OTC: variants seen among roughly 807,000 people sequenced by gnomAD.
OTC encodes the protein ornithine transcarbamylase.
In OTC, 3 loss-of-function variants were observed where a neutral mutation model predicts 30.3. That is an observed-to-expected ratio of 0.10 (90% confidence interval 0.05 to 0.26). The LOEUF is 0.26. Ranked by LOEUF, OTC falls within the 10% of genes least tolerant of loss-of-function variation. The pLI is 1.00. For synonymous variants in OTC, 111 were observed against 99.7 expected, an observed-to-expected ratio of 1.11 and a Z score of -0.67; for missense variants, 194 against 260.3, an observed-to-expected ratio of 0.75 and a Z score of 1.75.
At chrX:38,405,003 G>A (rs1256500726) in intron 6 of OTC, among the ~76,000 whole-genome samples, 1 of 111,647 alleles carries the variant, frequency 9.0e-6, no homozygotes, top group Non-Finnish European at 1.9e-5. Context: ...AAGAGGTGGA[G>A]TGGTAAATCC....
intron 6 of OTC, among the ~76,000 whole-genome samples, chrX:38,407,461 A>G (rs764640151): frequency 1.1e-4 from 12 of 112,082 alleles, no homozygotes; most frequent in South Asian, 3.8e-4. Flanking sequence ...ATAAAAATCA[A>G]CTCATAATCA....
intron 1 of OTC, among the ~76,000 whole-genome samples, chrX:38,355,806 GT>G (rs1209633220): frequency 8.9e-6 from 1 of 112,253 alleles, no homozygotes; most frequent in Admixed American, 9.4e-5. Flanking sequence ...GGAGGCCGAG[GT>G]GGGTGGATCA....
chrX:38,397,523 C>A (rs1461132852), intron 4 of OTC, among the ~76,000 whole-genome samples: 3 of 112,093 alleles, frequency 2.7e-5, no homozygotes, highest in Non-Finnish European at 5.6e-5. Context: ...TTACAAGTGT[C>A]AAGTGGGGAA....
intron 1 of OTC, among the ~76,000 whole-genome samples, chrX:38,358,974 T>C (rs779176932): frequency 9.0e-6 from 1 of 111,423 alleles, no homozygotes; most frequent in South Asian, 3.8e-4. Flanking sequence ...AGCCCTCAGA[T>C]GCTGGTATGA....
chrX:38,343,077 C>T, the OTC span, among the ~76,000 whole-genome samples: 1 of 112,235 alleles, frequency 8.9e-6, no homozygotes, highest in Non-Finnish European at 1.9e-5. Flanking sequence ...AGGCATTCAC[C>T]AAGCAGTGAC....
At chrX:38,395,161 C>T (rs963777995) in intron 4 of OTC, among the ~76,000 whole-genome samples, 2 of 110,183 alleles carry the variant, frequency 1.8e-5, no homozygotes, top group Admixed American at 9.8e-5. Context: ...TTAGTAGAGA[C>T]GGGGTTTCAC....
Position 38,401,268 on chromosome X carries a change from G to T in OTC, c.387-7G>T. On this transcript the variant is annotated splice_region_variant and splice_polypyrimidine_tract_variant and intron_variant, in intron 4 of 9. Coordinates refer to ENST00000039007, the MANE Select transcript of OTC (RefSeq NM_000531.6). ...TCTTAGATTATCTTTTTCTTGGTTT[G>T]CCACAGTGTATTGTCTAGCATGGCA... 1 of 1,192,510 alleles carries T rather than the reference G, an allele frequency of 8.4e-7. No homozygotes were observed. The highest frequency in any genetic ancestry group is 1.1e-6 in the Non-Finnish European group (1 of 878,601).
chrX:38,337,158 A>G, the OTC span, among the ~76,000 whole-genome samples: 5 of 112,128 alleles, frequency 4.5e-5, no homozygotes, highest in Non-Finnish European at 7.5e-5. Context: ...AGCATGCCTT[A>G]GTCAACATTT....
Position 38,381,425 on chromosome X carries a change from G to T in OTC, c.382G>T (p.Ala128Ser). 3 of 1,170,715 alleles carry T rather than the reference G, an allele frequency of 2.6e-6. No homozygotes were observed. The South Asian group carries it at 5.4e-5, about 21-fold the overall frequency. ...TGTGAATGAAAGTCTCACGGACACG[G>T]CCCGGTTTGTAAATATTTTCTTCTC... ...LGVNESLTDT[A>S]RVLSSMADAV... is the part of the protein sequence containing the mutation. Residue 128 changes from alanine (A) to serine (S), a missense_variant, in exon 4 of 10, where the codon GCC becomes TCC. By Grantham distance (99) the Ala-to-Ser change is moderately conservative. Transcript: ENST00000039007.
At chrX:38,355,238 A>T (rs1349629261) in intron 1 of OTC, among the ~76,000 whole-genome samples, 1 of 111,417 alleles carries the variant, frequency 9.0e-6, no homozygotes, top group African/African-American at 3.3e-5. Flanking sequence ...TTTTAACAAG[A>T]TCGATAGGAT....
intron 6 of OTC, among the ~76,000 whole-genome samples, chrX:38,408,130 C>A (rs927077434): frequency 8.9e-6 from 1 of 112,289 alleles, no homozygotes; most frequent in Non-Finnish European, 1.9e-5. Flanking sequence ...CCATCCCGGA[C>A]AAATATATAA....
chrX:38,360,011 G>A (rs769112079), intron 1 of OTC, among the ~76,000 whole-genome samples: 2 of 105,817 alleles, frequency 1.9e-5, no homozygotes, highest in East Asian at 2.9e-4. Context: ...TCTGCCTCCC[G>A]GGTTTCAGCG....
At chrX:38,410,313 G>A (rs1033915196) in intron 8 of OTC, among the ~76,000 whole-genome samples, 2 of 111,808 alleles carry the variant, frequency 1.8e-5, no homozygotes, top group African/African-American at 3.2e-5. Flanking sequence ...TTGGGGTGAA[G>A]TGGTATAAAT....
chrX:38,414,423 CCT>C lies in OTC; in HGVS notation c.1005+2425_1005+2426del, dbSNP rs757785817. Among the ~76,000 whole-genome samples, 4 of 111,676 alleles carry C rather than the reference CCT, an allele frequency of 3.6e-5. No homozygotes were observed. The Admixed American group carries it at 3.8e-4, about 11-fold the overall frequency. On this transcript the variant is annotated intron_variant, in intron 9 of 9. Transcript: ENST00000039007. ...CCGCCATCTCCCCATTCCCCATACC[CCT>C]GAGTTACCCACTATTATTAGAGGAA...
At chrX:38,357,189 C>G (rs986420584) in intron 1 of OTC, among the ~76,000 whole-genome samples, 1 of 111,753 alleles carries the variant, frequency 8.9e-6, no homozygotes, top group African/African-American at 3.3e-5. Context: ...CTTCCCAAGG[C>G]CATTGTTTAT....
chrX:38,396,114 G>A (rs982851538), intron 4 of OTC, among the ~76,000 whole-genome samples: 3 of 89,018 alleles, frequency 3.4e-5, no homozygotes, highest in South Asian at 5.1e-4. Flanking sequence ...CACCACGCCC[G>A]GCTAATTTTT....
intron 3 of OTC, among the ~76,000 whole-genome samples, chrX:38,378,883 C>T (rs1366956517): frequency 3.6e-5 from 4 of 111,456 alleles, no homozygotes; most frequent in Non-Finnish European, 5.6e-5. Flanking sequence ...AGCAGAGAAA[C>T]GATATGGAGT....
At chrX:38,372,257 ATG>A (rs200582430) in intron 3 of OTC, among the ~76,000 whole-genome samples, 1,224 of 111,797 alleles carry the variant, frequency 0.011, 10 homozygotes, top group Middle Eastern at 0.032. Flanking sequence ...TACATTAATT[ATG>A]TGTGTTATCT....
chrX:38,344,230 TATATATATATACACACACAC>T, the OTC span, among the ~76,000 whole-genome samples: 2 of 64,808 alleles, frequency 3.1e-5, no homozygotes, highest in African/African-American at 6.9e-5. Context: ...CTTTTGGTGA[TATATATATATACACACACAC>T]ACACACACAC....
Sources: allele counts gnomAD v4.1 joint callset (sites outside exome capture counted in the v4.1 genomes callset), GRCh38; gene constraint gnomAD v4.1.1; transcripts MANE v1.5; gene names NCBI Gene and HGNC (gene_info 2026-07-23, HGNC 2026-07-21).